The following DCAF16 variants were observed in gnomAD, a reference collection of about 807,000 sequenced individuals.
The protein encoded by DCAF16 is DDB1- and CUL4-associated factor 16.
Under a neutral mutation model 17.3 loss-of-function variants are expected in DCAF16, and 10 were observed. The observed-to-expected ratio is 0.58, with a 90% confidence interval of 0.36 to 0.98. The LOEUF (loss-of-function observed/expected upper bound fraction) is 0.98, where lower values mean the gene tolerates loss of function less well. Among genes scored for constraint, DCAF16 ranks in the 50% least tolerant of loss-of-function variants. The pLI, the probability that DCAF16 is intolerant of heterozygous loss-of-function variation, is 0.01. For synonymous variants in DCAF16, 111 were observed against 92.8 expected (o/e 1.20, Z -1.12); for missense variants, 249 against 247.6 (o/e 1.01, Z -0.04).
At chr4:17,806,645 T>C (rs971406279) in intron 1 of DCAF16, among the ~76,000 whole-genome samples, 6 of 152,238 alleles carry the variant, frequency 3.9e-5, no homozygotes, top group Non-Finnish European at 8.8e-5. Context: ...TATTAATTTA[T>C]ACAATTCCAA....
At position 17,803,600 on chromosome 4, in the gene DCAF16, C is replaced by G; in HGVS notation, c.542G>C (p.Trp181Ser). The part of the protein sequence containing the change: ...NSCVSGCCCG[W>S]LTKTVKETTR... ...TGTTTCCTTAACTGTTTTAGTCAGC[C>G]AGCCACAGCAACACCCAGAAACACA... The change falls in exon 3 of 3, where the codon TGG (tryptophan) becomes TCG (serine). Residue 181 changes from tryptophan to serine, a missense_variant. By Grantham distance (177) the Trp-to-Ser change is radical. Transcript: ENST00000382247. 6.2e-7 allele frequency: 1 copy of G among 1,614,192 alleles called. No individual in the cohort carries two copies.
chr4:17,794,547 G>T, the DCAF16 span, among the ~76,000 whole-genome samples: 2 of 152,158 alleles, frequency 1.3e-5, no homozygotes, highest in African/African-American at 4.8e-5. Flanking sequence ...CAAAAAGCTT[G>T]CTGAAATTAC....
chr4:17,804,884 C>T (rs1720167227), intron 2 of DCAF16, 113 bp from the exon 3 acceptor site: 1 of 159,640 alleles, frequency 6.3e-6, no homozygotes, highest in Non-Finnish European at 1.5e-5. Flanking sequence ...AGACTCTTCC[C>T]TCTCTATCTC....
intron 1 of DCAF16, among the ~76,000 whole-genome samples, chr4:17,810,088 T>C (rs1191030640): frequency 6.6e-6 from 1 of 152,142 alleles, no homozygotes; most frequent in African/African-American, 2.4e-5. Context: ...TATTGTAGGG[T>C]GGCATATTTT....
chr4:17,804,275 C>T lies in DCAF16; in HGVS notation c.-134G>A. ...TTAATTTGTCTTTCAGTCCGTTACA[C>T]ACATAAAGTATGCTTGTGGCCCATA... On this transcript the variant is annotated 5_prime_UTR_variant, in exon 3 of 3. In the 5' UTR this introduces an upstream ATG that the reference lacks. Transcript: ENST00000382247. The T allele has an allele frequency of 5.5e-6, 4 of 728,120 alleles. No homozygotes were observed. Among genetic ancestry groups the T allele is most frequent in the Non-Finnish European group, 9.2e-6 (4 of 436,546 alleles). The allele number at this position is 728,120 out of a possible 1,614,324, so 45.1% of individuals were successfully genotyped here. A position where few individuals can be genotyped will look rare whatever the true frequency, so the allele number is the denominator to read the frequency against.
chr4:17,798,066 A>C (rs1719508204), downstream of DCAF16, among the ~76,000 whole-genome samples: 1 of 152,180 alleles, frequency 6.6e-6, no homozygotes, highest in Non-Finnish European at 1.5e-5. Context: ...AGTCAGTTTT[A>C]ATCTTGTTAA....
At chr4:17,806,279 T>TA (rs1720315336) in intron 1 of DCAF16, among the ~76,000 whole-genome samples, 2 of 152,216 alleles carry the variant, frequency 1.3e-5, no homozygotes, top group Non-Finnish European at 2.9e-5. Context: ...TTAACTATTT[T>TA]AAAATTCTTC....
At chr4:17,799,051 G>A (rs1033249592), downstream of DCAF16, among the ~76,000 whole-genome samples, 1 of 152,144 alleles carries the variant, frequency 6.6e-6, no homozygotes, top group Non-Finnish European at 1.5e-5. Context: ...TGTTCTATAT[G>A]TCCTAGCTAC....
In DCAF16 at chr4:17,803,821, C is replaced by A; in HGVS notation, c.321G>T (p.Leu107=). ...LSHCSHCVPK[L]EPIPEWPPLA... ...GAGGGGGCCATTCAGGAATTGGTTCCAGTTTGGGGACACAATGGGAACAAT... is the reference window on the plus strand; with the variant it reads ...GAGGGGGCCATTCAGGAATTGGTTCAAGTTTGGGGACACAATGGGAACAAT... The change falls in exon 3 of 3, where the codon CTG becomes CTT. Residue 107 remains leucine, a synonymous_variant. Coordinates refer to ENST00000382247, the MANE Select transcript of DCAF16 (RefSeq NM_017741.4). 6.2e-7 allele frequency: 1 copy of A among 1,614,160 alleles called. No individual in the cohort carries two copies. The highest frequency in any genetic ancestry group is 8.5e-7 in the Non-Finnish European group (1 of 1,180,030).
In DCAF16 at chr4:17,803,044, A is replaced by G. The variant is rs1285101605; in HGVS notation, c.*447T>C. 1 of 147,958 alleles carries G rather than the reference A, an allele frequency of 6.8e-6. No homozygotes were observed. Among genetic ancestry groups the G allele is most frequent in the East Asian group, 1.9e-4 (1 of 5,146 alleles). 9.2% of individuals were successfully genotyped at this position (147,958 alleles called of 1,614,324 possible). ...AACTAATTCTCCTTTTTTTTTTTTG[A>G]GACTGAGTCTCGCTCTGTCACCCAG... On this transcript the variant is annotated 3_prime_UTR_variant, in exon 3 of 3. Transcript: ENST00000382247.
downstream of DCAF16, among the ~76,000 whole-genome samples, chr4:17,798,041 A>G (rs1719506002): frequency 6.6e-6 from 1 of 152,228 alleles, no homozygotes. Context: ...AGCTTGGTTT[A>G]TGTGTATACT....
chr4:17,798,972 C>T (rs937585668), downstream of DCAF16, among the ~76,000 whole-genome samples: 17 of 152,166 alleles, frequency 1.1e-4, no homozygotes, highest in Admixed American at 8.5e-4. Context: ...GTATCACTGG[C>T]GGACAGATAC....
Position 17,803,566 on chromosome 4 carries a change from A to C in DCAF16, c.576T>G (p.Thr192=). The change falls in exon 3 of 3, where the codon ACT becomes ACG. Residue 192 remains threonine (T), a synonymous_variant. Transcript: ENST00000382247. ...LTKTVKETTR[T]EPINTTYSYT... ...AAGAATAAGTAGTGTTGATGGGTTC[A>C]GTACGAGTTGTTTCCTTAACTGTTT... is the stretch of plus-strand genomic sequence containing the variant. The C allele has an allele frequency of 6.2e-7, 1 of 1,614,224 alleles. No individual in the cohort carries two copies. Among genetic ancestry groups the C allele is most frequent in the Non-Finnish European group, 8.5e-7 (1 of 1,180,018 alleles).
At chr4:17,806,924 A>C (rs1186881396) in intron 1 of DCAF16, among the ~76,000 whole-genome samples, 2 of 152,220 alleles carry the variant, frequency 1.3e-5, no homozygotes, top group African/African-American at 4.8e-5. Flanking sequence ...ACTAAGGGTG[A>C]ATGGATATGT....
downstream of DCAF16, among the ~76,000 whole-genome samples, chr4:17,796,359 TA>T (rs2109008430): frequency 6.6e-6 from 1 of 152,128 alleles, no homozygotes; most frequent in African/African-American, 2.4e-5. Context: ...TTTTTGTTTT[TA>T]AAGAGTGATA....
chr4:17,809,768 T>C (rs541203418), intron 1 of DCAF16: 39 of 152,220 alleles, frequency 2.6e-4, no homozygotes, highest in African/African-American at 9.2e-4. Flanking sequence ...GGTCAGATGA[T>C]TGAATATTAT....
chr4:17,802,207 T>G lies in DCAF16; in HGVS notation c.*1284A>C, dbSNP rs1719857461. On this transcript the variant is annotated 3_prime_UTR_variant, in exon 3 of 3. Coordinates refer to ENST00000382247, the MANE Select transcript of DCAF16 (RefSeq NM_017741.4). ...AGGAAATGCTATACAGATTAAAATT[T>G]TAATCCATTAGCAGTTAATGCTGAA... The G allele has an allele frequency of 6.6e-6, 1 of 152,652 alleles. No homozygotes were observed. Among genetic ancestry groups the G allele is most frequent in the African/African-American group, 2.4e-5 (1 of 41,448 alleles). The allele number at this position is 152,652 out of a possible 1,614,324, so 9.5% of individuals were successfully genotyped here.
At position 17,810,718 on chromosome 4, in the gene DCAF16, C is replaced by CA. The variant is rs1033657912; in HGVS notation, c.-1022dup. On this transcript the variant is annotated 5_prime_UTR_variant, in exon 1 of 3. Coordinates refer to ENST00000382247, the MANE Select transcript of DCAF16 (RefSeq NM_017741.4). ...GCCAGCAGCCCTTCCCCTCCGGTGGCAAGGCCACTCCGCTCAGCTCCCGCG... is the reference window on the plus strand; with the variant it reads ...GCCAGCAGCCCTTCCCCTCCGGTGGCAAAGGCCACTCCGCTCAGCTCCCGCG... 1 of 189,718 alleles carries CA rather than the reference C, an allele frequency of 5.3e-6. No homozygotes were observed. 11.8% of individuals were successfully genotyped at this position (189,718 alleles called of 1,614,324 possible).
chr4:17,793,940 T>C, the DCAF16 span, among the ~76,000 whole-genome samples: 4 of 152,082 alleles, frequency 2.6e-5, no homozygotes, highest in Non-Finnish European at 5.9e-5. Context: ...AGCATACATA[T>C]CACTTGCAAG....
Sources: gnomAD v4.1 joint callset for allele counts (sites outside exome capture counted in the v4.1 genomes callset) on GRCh38, gnomAD v4.1.1 for gene constraint, MANE v1.5 for transcripts, NCBI Gene and HGNC (gene_info 2026-07-23, HGNC 2026-07-21) for gene names.